Variants in CFLAR observed in about 807,000 individuals in gnomAD.
CFLAR encodes CASP8 and FADD-like apoptosis regulator.
CFLAR carries 14 observed loss-of-function variants against 51.1 expected under a neutral mutation model. That is an observed-to-expected ratio of 0.27 (90% CI 0.18 to 0.43). The LOEUF is 0.43. Ranked by LOEUF, CFLAR falls within the 20% of genes least tolerant of loss-of-function variation. CFLAR has a pLI of 1.00. For missense variants in CFLAR, 390 were observed against 566.5 expected, an observed-to-expected ratio of 0.69 and a Z score of 3.16; for synonymous variants, 210 against 211.6, an observed-to-expected ratio of 0.99 and a Z score of 0.06.
At chr2:201,132,053 T>C (rs951439594) in intron 2 of CFLAR, among the ~76,000 whole-genome samples, 1 of 152,198 alleles carries the variant, frequency 6.6e-6, no homozygotes, top group South Asian at 2.1e-4. Flanking sequence ...TCAGTTTTAA[T>C]GTCAGTAATC....
At position 201,129,961 on chromosome 2, in the gene CFLAR, G is replaced by A. The variant is rs762757121; in HGVS notation, c.96G>A (p.Val32=). Residue 32 remains valine (V), a synonymous_variant, in exon 2 of 10, where the codon GTG becomes GTA. Coordinates refer to ENST00000309955, the MANE Select transcript of CFLAR (RefSeq NM_003879.7). ...TGTGCCGGGATGTTGCTATAGATGT[G>A]GTTCCACCTAATGTCAGGGACCTTC... The part of the protein sequence containing the change: ...LFLCRDVAID[V]VPPNVRDLLD... The A allele has an allele frequency of 8.7e-6, 14 of 1,614,036 alleles. No individual in the cohort carries two copies. The highest frequency in any genetic ancestry group is 1.0e-5 in the Non-Finnish European group (12 of 1,180,038).
At chr2:201,160,338 T>C (rs1364363816) in intron 8 of CFLAR, 94 bp from the exon 9 acceptor site, 5 of 1,318,794 alleles carry the variant, frequency 3.8e-6, no homozygotes, top group Admixed American at 4.3e-5. Context: ...CTTTTCATAA[T>C]GGAGATTAGA....
Position 201,138,586 on chromosome 2 carries a change from C to T in CFLAR, c.524-1771C>T, listed in dbSNP as rs746163304. On this transcript the variant is annotated intron_variant, in intron 4 of 9. Transcript: ENST00000309955. This position sits in a 1 kb window ranked among gnomAD's most constrained non-coding sequence, Gnocchi z 4.0. ...AGAAAGTCGATGTCTCGGGAGGTGA[C>T]GATGCCCACCAGCTTGCTGCCCATG... 2.9e-5 allele frequency: 46 copies of T among 1,593,210 alleles called. No homozygotes were observed. The highest frequency in any genetic ancestry group is 2.2e-4 in the Middle Eastern group (1 of 4,448).
chr2:201,139,598 G>GA (rs1444076184), intron 4 of CFLAR: 3 of 153,732 alleles, frequency 2.0e-5, no homozygotes, highest in Non-Finnish European at 4.3e-5. Flanking sequence ...CTGGAGGTGG[G>GA]ACATGCGGGC....
chr2:201,151,356 A>G (rs1941251959), intron 8 of CFLAR: 1 of 152,166 alleles, frequency 6.6e-6, no homozygotes, highest in African/African-American at 2.4e-5. Context: ...TTGTATTTCC[A>G]GTTTTAGAGC....
chr2:201,154,622 T>G (rs2125889643), intron 8 of CFLAR: 1 of 152,362 alleles, frequency 6.6e-6, no homozygotes, highest in Middle Eastern at 3.4e-3. Context: ...GTTGGGTGAA[T>G]GAATGAAGGA....
At chr2:201,123,428 C>T (rs1056941321) in intron 1 of CFLAR, among the ~76,000 whole-genome samples, 14 of 152,188 alleles carry the variant, frequency 9.2e-5, no homozygotes, top group South Asian at 2.1e-4. Context: ...GGCTGCTCCC[C>T]GCTTCCAATC....
At chr2:201,162,112 T>C (rs936992733) in intron 9 of CFLAR, among the ~76,000 whole-genome samples, 1 of 152,076 alleles carries the variant, frequency 6.6e-6, no homozygotes, top group African/African-American at 2.4e-5. Flanking sequence ...TTTTTGTTTG[T>C]TTGTTTTTTG....
Position 201,138,168 on chromosome 2 carries a change from C to G in CFLAR, c.523+2061C>G. On this transcript the variant is annotated intron_variant, in intron 4 of 9. Coordinates refer to ENST00000309955, the MANE Select transcript of CFLAR (RefSeq NM_003879.7). This position sits in a 1 kb window ranked among gnomAD's most constrained non-coding sequence, Gnocchi z 4.0. ...GCTGTCACCACGTTCCCCCCAATCACCTGGAGGTGGGGTTACTTTTGTTTG... is the reference window on the plus strand; with the variant it reads ...GCTGTCACCACGTTCCCCCCAATCAGCTGGAGGTGGGGTTACTTTTGTTTG... 1 of 918,000 alleles carries G rather than the reference C, an allele frequency of 1.1e-6. No individual in the cohort carries two copies. Among genetic ancestry groups the G allele is most frequent in the Non-Finnish European group, 1.8e-6 (1 of 549,972 alleles). 56.9% of individuals were successfully genotyped at this position (918,000 alleles called of 1,614,324 possible). A position where few individuals can be genotyped will look rare whatever the true frequency, so the allele number is the denominator to read the frequency against.
intron 8 of CFLAR, 75 bp downstream of exon 8, chr2:201,149,910 G>A: frequency 8.8e-7 from 1 of 1,130,056 alleles, no homozygotes; most frequent in Non-Finnish European, 1.3e-6. Flanking sequence ...ATTCATTGGA[G>A]TGATCAGCAC....
At chr2:201,148,901 T>C (rs1940769696) in intron 6 of CFLAR, 102 bp from the exon 7 acceptor site, 1 of 771,252 alleles carries the variant, frequency 1.3e-6, no homozygotes, top group South Asian at 1.5e-5. Context: ...TTGAAGAAAA[T>C]AGGAAGGGAG....
At chr2:201,162,500 A>G (rs1559254427) in intron 9 of CFLAR, 1 of 169,640 alleles carries the variant, frequency 5.9e-6, no homozygotes, top group Non-Finnish European at 1.3e-5. Flanking sequence ...CAGCTCCTTT[A>G]CTGCCAAAGC....
intron 8 of CFLAR, among the ~76,000 whole-genome samples, chr2:201,151,688 T>C (rs1411385403): frequency 6.6e-6 from 1 of 151,908 alleles, no homozygotes; most frequent in African/African-American, 2.4e-5. Flanking sequence ...CATTCATCAG[T>C]AGATGTTGTA....
At chr2:201,123,654 G>A (rs1194420875) in intron 1 of CFLAR, among the ~76,000 whole-genome samples, 2 of 152,082 alleles carry the variant, frequency 1.3e-5, no homozygotes, top group Non-Finnish European at 2.9e-5. Context: ...AACTTTGGAG[G>A]GGACACATTC....
chr2:201,135,767 G>A (rs1363631054), intron 3 of CFLAR, among the ~76,000 whole-genome samples: 2 of 152,042 alleles, frequency 1.3e-5, no homozygotes, highest in African/African-American at 2.4e-5. Flanking sequence ...TGGGACCACA[G>A]GTGTGTGCCA....
intron 1 of CFLAR, chr2:201,122,620 TA>T (rs1275380039): frequency 6.6e-6 from 1 of 152,088 alleles, no homozygotes; most frequent in Non-Finnish European, 1.5e-5. Context: ...GAGTCTCACA[TA>T]GGATAGAATA....
In CFLAR at chr2:201,169,750, A is replaced by C. The variant is rs1221649978; in HGVS notation, c.*5777A>C. ...CCAGAACCTACAAGGAACTTAAAAC[A>C]AATTTACAAGGAAAAAAACAACCCC... On this transcript the variant is annotated 3_prime_UTR_variant, in exon 10 of 10. Coordinates refer to ENST00000309955, the MANE Select transcript of CFLAR (RefSeq NM_003879.7). The C allele has an allele frequency of 6.6e-6, 1 of 152,232 alleles. No individual in the cohort carries two copies. The highest frequency in any genetic ancestry group is 1.9e-4 in the East Asian group (1 of 5,202). 9.4% of individuals were successfully genotyped at this position (152,232 alleles called of 1,614,324 possible).
rs1180836499 is a variant in CFLAR at position 201,176,291 on chromosome 2, CG to C, written c.*12321del. The C allele has an allele frequency of 3.2e-4, 5 of 15,712 alleles. No homozygotes were observed. Among genetic ancestry groups the C allele is most frequent in the African/African-American group, 9.7e-4 (4 of 4,118 alleles). The allele number at this position is 15,712 out of a possible 1,614,324, so 1.0% of individuals were successfully genotyped here. On this transcript the variant is annotated 3_prime_UTR_variant, in exon 10 of 10. Coordinates refer to ENST00000309955, the MANE Select transcript of CFLAR (RefSeq NM_003879.7). ...TGTTTTCTATTGCGGGGGGGGGGGG[CG>C]GGCGGGGGAGCTGCCTGTCCCTGGC...
At chr2:201,133,644 C>G (rs962683606) in intron 3 of CFLAR, among the ~76,000 whole-genome samples, 2 of 151,938 alleles carry the variant, frequency 1.3e-5, no homozygotes, top group Admixed American at 6.6e-5. Context: ...AGTTGAAAAC[C>G]AGGAGGCCGG....
Sources: gnomAD v4.1 joint callset for allele counts (sites outside exome capture counted in the v4.1 genomes callset) on GRCh38, gnomAD v4.1.1 for gene constraint, Gnocchi (gnomAD v3.1) non-coding constraint, MANE v1.5 for transcripts, NCBI Gene and HGNC (gene_info 2026-07-23, HGNC 2026-07-21) for gene names.